Variants in ANKRD31 observed in about 807,000 individuals in gnomAD.
The protein encoded by ANKRD31 is ankyrin repeat domain 31.
ANKRD31 carries 147 observed loss-of-function variants against 186.0 expected under a neutral mutation model. That is an observed-to-expected ratio of 0.79 (90% confidence interval 0.69 to 0.91). ANKRD31 has a LOEUF of 0.91. Among genes scored for constraint, ANKRD31 ranks in the 40% least tolerant of loss-of-function variants. The pLI is 0.00. For synonymous variants in ANKRD31, 673 were observed against 736.4 expected, an observed-to-expected ratio of 0.91 and a Z score of 1.39; for missense variants, 1,986 against 2,148.8, an observed-to-expected ratio of 0.92 and a Z score of 1.50.
At chr5:75,172,020 T>G (rs1287336218) in intron 10 of ANKRD31, among the ~76,000 whole-genome samples, 1 of 151,766 alleles carries the variant, frequency 6.6e-6, no homozygotes, top group Non-Finnish European at 1.5e-5. Flanking sequence ...TTAAAATCCT[T>G]AACAAAATAT....
chr5:75,225,173 C>G (rs1224617218), intron 2 of ANKRD31, among the ~76,000 whole-genome samples: 1 of 151,814 alleles, frequency 6.6e-6, no homozygotes, highest in South Asian at 2.1e-4. Context: ...GATAGTTATT[C>G]TAAGGAAAAA....
At chr5:75,074,007 G>A (rs1561391768) in intron 25 of ANKRD31, among the ~76,000 whole-genome samples, 1 of 152,154 alleles carries the variant, frequency 6.6e-6, no homozygotes, top group African/African-American at 2.4e-5. Flanking sequence ...GCTTGTTTTA[G>A]TATTCTACAG....
At chr5:75,218,343 AGAAGAAATGGATAAATTCCT>A (rs1275433368) in intron 3 of ANKRD31, among the ~76,000 whole-genome samples, 2 of 152,198 alleles carry the variant, frequency 1.3e-5, no homozygotes, top group Non-Finnish European at 2.9e-5. Context: ...CTAAAATTCC[AGAAGAAATGGATAAATTCCT>A]GGACGTATAC....
Position 75,235,241 on chromosome 5 carries a change from CTTTTTTTTT to C in ANKRD31, c.104+1333_104+1341del, listed in dbSNP as rs35626841. Among the ~76,000 whole-genome samples the C allele has an allele frequency of 1.3e-4, 13 of 99,892 alleles. No homozygotes were observed. In the East Asian group the frequency reaches 3.7e-3, roughly 28 times the overall value. 65.5% of individuals were successfully genotyped at this position (99,892 alleles called of 152,430 possible). ...AGTTCAACAGAAAGTCTTGCTGGTACTTTTTTTTTTTTTTTTTTTTTTGAGATAGAGTCT... is the reference window on the plus strand; with the variant it reads ...AGTTCAACAGAAAGTCTTGCTGGTACTTTTTTTTTTTTTGAGATAGAGTCT... On this transcript the variant is annotated intron_variant, in intron 1 of 25. Coordinates refer to ENST00000506364, the MANE Select transcript of ANKRD31 (RefSeq NM_001372053.1).
chr5:75,221,307 T>A (rs1272514008), intron 3 of ANKRD31, among the ~76,000 whole-genome samples: 2 of 152,126 alleles, frequency 1.3e-5, no homozygotes, highest in East Asian at 3.9e-4. Context: ...TGAAATGACA[T>A]AAATGTCAAA....
chr5:75,084,254 G>C lies in ANKRD31; in HGVS notation c.5575+18C>G. On this transcript the variant is annotated intron_variant, in intron 24 of 25. Coordinates refer to ENST00000506364, the MANE Select transcript of ANKRD31 (RefSeq NM_001372053.1). ...GTTTTATCCCACAACGAAGAAATGA[G>C]TGTTGTTCTGTACATACCTGGAAGA... 1 of 1,509,728 alleles carries C rather than the reference G, an allele frequency of 6.6e-7. No homozygotes were observed. Among genetic ancestry groups the C allele is most frequent in the Non-Finnish European group, 8.9e-7 (1 of 1,122,212 alleles). 93.5% of individuals were successfully genotyped at this position (1,509,728 alleles called of 1,614,324 possible).
chr5:75,111,351 T>A (rs867033239), intron 20 of ANKRD31, among the ~76,000 whole-genome samples: 1 of 152,166 alleles, frequency 6.6e-6, no homozygotes, highest in Non-Finnish European at 1.5e-5. Context: ...GGAAAAATCA[T>A]CTTGGATGCA....
rs567553089 is a variant in ANKRD31 at position 75,195,905 on chromosome 5, C to A, written c.743G>T (p.Arg248Leu). The stretch of plus-strand genomic sequence containing the variant: ...ACTCAATGGGTTCATCAATTCTTTA[C>A]GATCAAAATCACTTACTAATTCAAA... ...RLFELVSDFD[R>L]KELMNPLSDS... Residue 248 changes from arginine to leucine, a missense_variant, in exon 7 of 26, where the codon CGT becomes CTT. Physicochemically the swap from Arg to Leu is moderately radical, Grantham distance 102 (BLOSUM62 -2). Coordinates refer to ENST00000506364, the MANE Select transcript of ANKRD31 (RefSeq NM_001372053.1). 9.8e-6 allele frequency: 15 copies of A among 1,535,992 alleles called. No homozygotes were observed. The Admixed American group carries it at 9.8e-5, about 10-fold the overall frequency.
Position 75,146,280 on chromosome 5 carries a change from A to G in ANKRD31, c.3131T>C (p.Phe1044Ser). The change falls in exon 14 of 26, where the codon TTT becomes TCT. Residue 1044 changes from phenylalanine to serine, a missense_variant. Coordinates refer to ENST00000506364, the MANE Select transcript of ANKRD31 (RefSeq NM_001372053.1). Reference protein sequence around the residue: ...PQDYIPRAPTFLMNQTDTHIV... With the variant: ...PQDYIPRAPTSLMNQTDTHIV... ...ATGTGTATCTGTTTGATTCATTAAA[A>G]AAGTTGGTGCTCTGGGAATATAATC... 6.5e-7 allele frequency: 1 copy of G among 1,536,556 alleles called. No homozygotes were observed. The highest frequency in any genetic ancestry group is 1.4e-5 in the African/African-American group (1 of 73,102).
rs1201029234 is a variant in ANKRD31, at chr5:75,116,605, G to A, written c.4116C>T (p.Ser1372=). The change falls in exon 19 of 26, where the codon TCC becomes TCT. Residue 1372 remains serine (S), a synonymous_variant. Transcript: ENST00000506364. ...CDDGKTIDSS[S]LSHQERSRES... ...CTCTTGATCTTTCTTGGTGTGAAAG[G>A]GAAGATGAGTCAATAGTTTTGCCAT... 12 of 1,471,294 alleles carry A rather than the reference G, an allele frequency of 8.2e-6. No individual in the cohort carries two copies. Among genetic ancestry groups the A allele is most frequent in the Non-Finnish European group, 1.1e-5 (12 of 1,106,284 alleles). The allele number at this position is 1,471,294 out of a possible 1,614,324, so 91.1% of individuals were successfully genotyped here. A position where few individuals can be genotyped will look rare whatever the true frequency, so the allele number is the denominator to read the frequency against.
rs1018503497 is a variant in ANKRD31 at position 75,131,410 on chromosome 5, T to A, written c.3876+6446A>T. On this transcript the variant is annotated intron_variant, in intron 17 of 25. Transcript: ENST00000506364. ...CCCACGCCCACAGAGCCTCACTCAC[T>A]GCTAGCACAGCAGTCTGAGATCAAA... Among the ~76,000 whole-genome samples, 4 of 152,154 alleles carry A rather than the reference T, an allele frequency of 2.6e-5. No homozygotes were observed. The East Asian group carries it at 7.7e-4, about 29-fold the overall frequency.
At chr5:75,138,770 A>AG in intron 16 of ANKRD31, 76 bp downstream of exon 16, 2 of 1,385,542 alleles carry the variant, frequency 1.4e-6, no homozygotes, top group South Asian at 1.6e-5. Context: ...AACAAATTGG[A>AG]GGGGGCAGGA....
chr5:75,108,524 C>T (rs949174650), intron 20 of ANKRD31, among the ~76,000 whole-genome samples: 5 of 152,046 alleles, frequency 3.3e-5, no homozygotes, highest in Non-Finnish European at 5.9e-5. Context: ...CTTTCACTTT[C>T]GGCTTTCTTT....
chr5:75,208,342 G>A (rs968653590), intron 4 of ANKRD31, among the ~76,000 whole-genome samples: 7 of 152,002 alleles, frequency 4.6e-5, no homozygotes, highest in South Asian at 2.1e-4. Context: ...GGCAAGCTGC[G>A]TACTCTGAAT....
intron 10 of ANKRD31, among the ~76,000 whole-genome samples, chr5:75,184,238 C>T (rs556340850): frequency 6.6e-6 from 1 of 151,914 alleles, no homozygotes; most frequent in East Asian, 1.9e-4. Flanking sequence ...TCAACACATA[C>T]AAAATTCAAC....
chr5:75,154,814 T>C (rs1264579754), intron 11 of ANKRD31, among the ~76,000 whole-genome samples: 1 of 152,112 alleles, frequency 6.6e-6, no homozygotes, highest in South Asian at 2.1e-4. Flanking sequence ...CTTCCGTCTA[T>C]ACCTGTGCTG....
intron 10 of ANKRD31, among the ~76,000 whole-genome samples, chr5:75,178,637 G>C (rs868017174): frequency 1.5e-3 from 227 of 152,154 alleles, no homozygotes; most frequent in African/African-American, 5.4e-3. Context: ...AATGACTACT[G>C]GGTACATAAT....
intron 15 of ANKRD31, among the ~76,000 whole-genome samples, chr5:75,140,207 AAAAAGAAAAG>A (rs895556943): frequency 2.0e-5 from 3 of 151,074 alleles, no homozygotes; most frequent in East Asian, 1.9e-4. Flanking sequence ...CCGTCTCAAA[AAAAAGAAAAG>A]AAAAGAAAAG....
rs1475610417 is a variant in ANKRD31, at chr5:75,104,695, G to C, written c.4864C>G (p.Leu1622Val). ...TGGTCTTTGTCTGTAGCTTCTGTAAGATCATTCTCTTTCTGTGAATATTCT... is the reference window on the plus strand; with the variant it reads ...TGGTCTTTGTCTGTAGCTTCTGTAACATCATTCTCTTTCTGTGAATATTCT... ...QTEYSQKEND[L>V]TEATDKDHEF... The change falls in exon 22 of 26, where the codon CTT becomes GTT. Residue 1622 changes from leucine (L) to valine (V), a missense_variant. Leu to Val is a conservative substitution (Grantham distance 32). Coordinates refer to ENST00000506364, the MANE Select transcript of ANKRD31 (RefSeq NM_001372053.1). 20 of 1,536,572 alleles carry C rather than the reference G, an allele frequency of 1.3e-5. No homozygotes were observed. In the East Asian group the frequency reaches 4.6e-4, roughly 36 times the overall value.
Sources: gnomAD v4.1 joint callset for allele counts (sites outside exome capture counted in the v4.1 genomes callset) on GRCh38, gnomAD v4.1.1 for gene constraint, MANE v1.5 for transcripts, NCBI Gene and HGNC (gene_info 2026-07-23, HGNC 2026-07-21) for gene names.